The following CFAP65 variants were observed in gnomAD, a reference collection of about 807,000 sequenced individuals.
CFAP65 encodes cilia- and flagella-associated protein 65.
A neutral mutation model predicts 208.0 loss-of-function variants in CFAP65; 155 were observed. The observed-to-expected ratio is 0.75, with a 90% CI of 0.65 to 0.85. CFAP65 has a LOEUF of 0.85. Among genes scored for constraint, CFAP65 ranks in the 40% least tolerant of loss-of-function variants. The pLI, the probability that CFAP65 is intolerant of heterozygous loss-of-function variation, is 0.00. For missense variants in CFAP65, 2,294 were observed against 2,451.3 expected (o/e 0.94, Z 1.36); for synonymous variants, 970 against 986.3 (o/e 0.98, Z 0.31).
chr2:219,013,657 A>G lies in CFAP65; in HGVS notation c.3780-72T>C, dbSNP rs572740904. The G allele has an allele frequency of 1.9e-5, 27 of 1,425,792 alleles. No individual in the cohort carries two copies. The African/African-American group carries it at 2.7e-4, about 14-fold the overall frequency. 88.3% of individuals were successfully genotyped at this position (1,425,792 alleles called of 1,614,324 possible). A position where few individuals can be genotyped will look rare whatever the true frequency, so the allele number is the denominator to read the frequency against. On this transcript the variant is annotated intron_variant, in intron 22 of 34. Transcript: ENST00000341552. The stretch of plus-strand genomic sequence containing the variant: ...ACAAGTAGGAGAGCAAATGGACATG[A>G]CATTTCTGTGGCTTTGAGCTGGCCA...
rs1415717688 is a variant in CFAP65 at position 219,023,315 on chromosome 2, GC to G, written c.2711del (p.Arg904ProfsTer30). 6.2e-7 allele frequency: 1 copy of G among 1,613,046 alleles called. No individual in the cohort carries two copies. Among genetic ancestry groups the G allele is most frequent in the African/African-American group, 1.3e-5 (1 of 74,954 alleles). On this transcript the variant is annotated frameshift_variant, in exon 16 of 35. Transcript: ENST00000341552. LOFTEE classifies it high-confidence loss of function. ...GCSSTSPFTF[R>X]NPSRLPLQFE... ...ACTGCAGGGGCAGACGCGAGGGGTT[GC>G]GGAAGGTGAAGGGGCTGGTGGAGGA...
At position 219,029,733 on chromosome 2, in the gene CFAP65, A is replaced by G. The variant is rs113721090; in HGVS notation, c.1385-65T>C. On this transcript the variant is annotated intron_variant, in intron 10 of 34. Transcript: ENST00000341552. Reference sequence around the variant, plus strand: ...TCTTAGACAAAGTTCCACTGAAGGGAGGTGGTACTCTCAGGGCCAGGCTAC... The same window carrying G: ...TCTTAGACAAAGTTCCACTGAAGGGGGGTGGTACTCTCAGGGCCAGGCTAC... 49 of 1,568,170 alleles carry G rather than the reference A, an allele frequency of 3.1e-5. No homozygotes were observed. In the African/African-American group the frequency reaches 4.3e-4, roughly 14 times the overall value.
intron 21 of CFAP65, among the ~76,000 whole-genome samples, chr2:219,016,289 CTTTTTTTTTTTTTT>C (rs5838714): frequency 1.2e-5 from 1 of 85,554 alleles, no homozygotes; most frequent in Non-Finnish European, 2.0e-5. Flanking sequence ...AGTCTCCCTC[CTTTTTTTTTTTTTT>C]TTTTTTTTTT....
Position 219,038,597 on chromosome 2 carries a change from G to T in CFAP65, c.154-19C>A, listed in dbSNP as rs760330699. On this transcript the variant is annotated intron_variant, in intron 3 of 34. Transcript: ENST00000341552. ...TATGGAGCTGGGAAGAGAGCAGAGGGGAGAGGAGACAGGAGTGACATGAGA... is the reference window on the plus strand; with the variant it reads ...TATGGAGCTGGGAAGAGAGCAGAGGTGAGAGGAGACAGGAGTGACATGAGA... 6.2e-6 allele frequency: 10 copies of T among 1,601,872 alleles called. No individual in the cohort carries two copies. The highest frequency in any genetic ancestry group is 7.7e-6 in the Non-Finnish European group (9 of 1,170,420).
chr2:219,005,292 T>C lies in CFAP65; in HGVS notation c.5051+142A>G, dbSNP rs1574508915. 6.9e-6 allele frequency: 8 copies of C among 1,162,710 alleles called. No individual in the cohort carries two copies. In the East Asian group the frequency reaches 1.7e-4, roughly 25 times the overall value. 72.0% of individuals were successfully genotyped at this position (1,162,710 alleles called of 1,614,324 possible). On this transcript the variant is annotated intron_variant, in intron 32 of 34. Transcript: ENST00000341552. ...CCGCCCACTGCTGCCTCCCAAAGTG[T>C]TGGAATTACAGGCAAGAACCTCCAT...
intron 21 of CFAP65, chr2:219,014,365 G>T: frequency 4.9e-6 from 1 of 202,544 alleles, no homozygotes; most frequent in Non-Finnish European, 9.9e-6. Context: ...ACCCTTCTGT[G>T]ACAAAGCTCT....
chr2:219,029,125 G>A (rs1947847608), intron 11 of CFAP65, among the ~76,000 whole-genome samples: 1 of 152,226 alleles, frequency 6.6e-6, no homozygotes, highest in Non-Finnish European at 1.5e-5. Flanking sequence ...GAGGGTGGGA[G>A]GCTGCGAGTC....
chr2:219,014,165 A>G (rs991673656), intron 21 of CFAP65, 121 bp from the exon 22 acceptor site: 4 of 837,688 alleles, frequency 4.8e-6, no homozygotes, highest in Non-Finnish European at 7.0e-6. Context: ...TCATGCACCC[A>G]TTTGGCAAAC....
At chr2:219,022,549 G>C (rs954677710) in intron 16 of CFAP65, among the ~76,000 whole-genome samples, 19 of 152,212 alleles carry the variant, frequency 1.2e-4, no homozygotes, top group African/African-American at 4.6e-4. Context: ...CTCATTTTCT[G>C]ATGAGAAACT....
rs760730655 is a variant in CFAP65, at chr2:219,030,199, G to C, written c.1171C>G (p.Pro391Ala). 3.1e-6 allele frequency: 5 copies of C among 1,614,060 alleles called. No homozygotes were observed. Among genetic ancestry groups the C allele is most frequent in the Non-Finnish European group, 4.2e-6 (5 of 1,179,994 alleles). The change falls in exon 10 of 35, where the codon CCC (proline) becomes GCC (alanine). Residue 391 changes from proline to alanine, a missense_variant. Pro to Ala is a conservative substitution (Grantham distance 27). Coordinates refer to ENST00000341552, the MANE Select transcript of CFAP65 (RefSeq NM_194302.4). ...RLHNPSAVNAPFRIEISPDEL... is the reference protein window; with the variant it reads ...RLHNPSAVNAAFRIEISPDEL... ...TCCGGGGAAATTTCAATCCTGAAGG[G>C]GGCATTTACCTGTGTGGCCAAGCAG...
At position 219,031,798 on chromosome 2, in the gene CFAP65, G is replaced by T; in HGVS notation, c.646-140C>A. 2.1e-6 allele frequency: 2 copies of T among 935,546 alleles called. No individual in the cohort carries two copies. The highest frequency in any genetic ancestry group is 1.7e-5 in the South Asian group (1 of 58,520). 58.0% of individuals were successfully genotyped at this position (935,546 alleles called of 1,614,324 possible). A position where few individuals can be genotyped will look rare whatever the true frequency, so the allele number is the denominator to read the frequency against. Reference sequence around the variant, plus strand: ...GCACCCACGTCAGACTCTGAGGGGAGCTGGGCACCTATGTTGTCTTGGTCT... The same window carrying T: ...GCACCCACGTCAGACTCTGAGGGGATCTGGGCACCTATGTTGTCTTGGTCT... On this transcript the variant is annotated intron_variant, in intron 6 of 34. Transcript: ENST00000341552. This position sits in a 1 kb window ranked among gnomAD's most constrained non-coding sequence, Gnocchi z 5.2.
In CFAP65 at chr2:219,010,813, T is replaced by C; in HGVS notation, c.4141A>G (p.Thr1381Ala). 1 of 1,607,862 alleles carries C rather than the reference T, an allele frequency of 6.2e-7. No individual in the cohort carries two copies. Residue 1381 changes from threonine (T) to alanine (A), a missense_variant, in exon 25 of 35, where the codon ACC becomes GCC. Thr to Ala is a moderately conservative substitution (Grantham distance 58). Transcript: ENST00000341552. ...TCCAGGTTGCTGCTCACCGTGTAGG[T>C]CTTGGCCTCGATAGGTGAGAAGATC... Reference protein sequence around the residue: ...LWIFSPIEAKTYTVDVPIHIL... With the variant: ...LWIFSPIEAKAYTVDVPIHIL...
In CFAP65 at chr2:219,010,800, C is replaced by A. The variant is rs781500589; in HGVS notation, c.4149+5G>T. ...ACCTCCCACGTCATCCAGGTTGCTG[C>A]TCACCGTGTAGGTCTTGGCCTCGAT... is the stretch of plus-strand genomic sequence containing the variant. On this transcript the variant is annotated splice_donor_5th_base_variant and intron_variant, in intron 25 of 34. Coordinates refer to ENST00000341552, the MANE Select transcript of CFAP65 (RefSeq NM_194302.4). The A allele has an allele frequency of 1.3e-6, 2 of 1,598,570 alleles. No homozygotes were observed. Among genetic ancestry groups the A allele is most frequent in the Non-Finnish European group, 8.6e-7 (1 of 1,168,740 alleles).
At chr2:219,019,851 C>G (rs539910497) in intron 19 of CFAP65, 132 bp from the exon 20 acceptor site, 1 of 676,406 alleles carries the variant, frequency 1.5e-6, no homozygotes, top group East Asian at 2.7e-5. Context: ...GGACCCCTCT[C>G]GGGCTCTAGG....
chr2:219,033,531 GAAGAA>G (rs1948178697), intron 5 of CFAP65, among the ~76,000 whole-genome samples: 1 of 150,936 alleles, frequency 6.6e-6, no homozygotes, highest in Non-Finnish European at 1.5e-5. Flanking sequence ...AGAGAGAGAG[GAAGAA>G]AAGAAAGAAA....
Position 219,031,177 on chromosome 2 carries a change from T to C in CFAP65, c.944A>G (p.Tyr315Cys), listed in dbSNP as rs113808462. 3.1e-5 allele frequency: 50 copies of C among 1,612,006 alleles called. No individual in the cohort carries two copies. The highest frequency in any genetic ancestry group is 3.1e-4 in the African/African-American group (23 of 75,046). ...GTACCAGCACGTGGCCTGCACCTCGTAGATGACGGCTGTAAGGGGCTGAAA... is the reference window on the plus strand; with the variant it reads ...GTACCAGCACGTGGCCTGCACCTCGCAGATGACGGCTGTAAGGGGCTGAAA... Reference protein sequence around the residue: ...VTFQPLTAVIYEVQATCWYGA... With the variant: ...VTFQPLTAVICEVQATCWYGA... Residue 315 changes from tyrosine (Y) to cysteine (C), a missense_variant, in exon 8 of 35, where the codon TAC becomes TGC. Tyr to Cys is a radical substitution (Grantham distance 194). Coordinates refer to ENST00000341552, the MANE Select transcript of CFAP65 (RefSeq NM_194302.4). This position sits in a 1 kb window ranked among gnomAD's most constrained non-coding sequence, Gnocchi z 5.2.
At chr2:219,033,928 A>ACAAATG (rs1161980721) in intron 5 of CFAP65, 1 of 152,222 alleles carries the variant, frequency 6.6e-6, no homozygotes, top group Non-Finnish European at 1.5e-5. Flanking sequence ...AAGATCACTG[A>ACAAATG]ACATAATACC....
intron 12 of CFAP65, 85 bp from the exon 13 acceptor site, chr2:219,028,094 G>C: frequency 6.4e-7 from 1 of 1,551,092 alleles, no homozygotes; most frequent in Non-Finnish European, 8.7e-7. Flanking sequence ...GTCTAGAAAG[G>C]CTACACCAGT....
rs72966102 is a variant in CFAP65, at chr2:219,040,574, C to T, written c.-48-10G>A. 13,002 of 1,551,878 alleles carry T rather than the reference C, an allele frequency of 8.4e-3. 75 individuals carry two copies. The highest frequency in any genetic ancestry group is 0.01 in the Non-Finnish European group (11,880 of 1,146,846). ...ATCAAAGAAATGTAAGCTGAGGAGA[C>T]ACAGAGAGAGTCCATTACTTTTCTG... On this transcript the variant is annotated splice_polypyrimidine_tract_variant and intron_variant, in intron 1 of 34. Transcript: ENST00000341552.
Sources: allele counts gnomAD v4.1 joint callset (sites outside exome capture counted in the v4.1 genomes callset), GRCh38; gene constraint gnomAD v4.1.1; non-coding constraint Gnocchi (gnomAD v3.1); transcripts MANE v1.5; gene names NCBI Gene and HGNC (gene_info 2026-07-23, HGNC 2026-07-21).